Variants in MARCHF1 observed in about 807,000 individuals in gnomAD.
The protein encoded by MARCHF1 is membrane associated ring-CH-type finger 1.
MARCHF1 carries 40 observed loss-of-function variants against 54.2 expected under a neutral mutation model. The observed-to-expected ratio is 0.74, with a 90% CI of 0.57 to 0.96. The LOEUF (loss-of-function observed/expected upper bound fraction) is 0.96, where lower values mean the gene tolerates loss of function less well. Among genes scored for constraint, MARCHF1 ranks in the 40% least tolerant of loss-of-function variants. MARCHF1 has a pLI of 0.00. For synonymous variants in MARCHF1, 236 were observed against 236.3 expected (o/e 1.00, Z 0.01); for missense variants, 586 against 656.5 (o/e 0.89, Z 1.17).
At chr4:164,270,352 C>T (rs532867855) in intron 1 of MARCHF1, among the ~76,000 whole-genome samples, 10 of 152,322 alleles carry the variant, frequency 6.6e-5, no homozygotes, top group African/African-American at 2.4e-4. Context: ...AAATTACAGA[C>T]TTCACTCCCA....
chr4:164,241,795 C>T (rs963510601), intron 1 of MARCHF1, among the ~76,000 whole-genome samples: 4 of 152,140 alleles, frequency 2.6e-5, no homozygotes, highest in Admixed American at 2.0e-4. Flanking sequence ...CGAAGCAGGG[C>T]GAGGCATTGC....
At chr4:164,015,707 A>G (rs1444407696) in intron 2 of MARCHF1, among the ~76,000 whole-genome samples, 2 of 152,174 alleles carry the variant, frequency 1.3e-5, no homozygotes, top group African/African-American at 4.8e-5. Context: ...AGTATATGAA[A>G]AAAAAAATGC....
rs1738234485 is a variant in MARCHF1, at chr4:163,528,747, A to G, written c.*1T>C. The G allele has an allele frequency of 6.2e-7, 1 of 1,606,078 alleles. No homozygotes were observed. The highest frequency in any genetic ancestry group is 2.2e-5 in the East Asian group (1 of 44,812). On this transcript the variant is annotated 3_prime_UTR_variant, in exon 10 of 10. Transcript: ENST00000514618. ...GGTGAAGAAACTCCCAACAGGTTCC[A>G]TCAGACTGATACAACTTCAGGGGGG... is the stretch of plus-strand genomic sequence containing the variant.
chr4:164,239,783 GTA>G (rs1352639677), intron 1 of MARCHF1, among the ~76,000 whole-genome samples: 1 of 152,042 alleles, frequency 6.6e-6, no homozygotes, highest in African/African-American at 2.4e-5. Flanking sequence ...AAGAGTGTAT[GTA>G]TATGTCATAT....
At chr4:163,825,894 T>C (rs1748836242) in intron 4 of MARCHF1, among the ~76,000 whole-genome samples, 1 of 152,010 alleles carries the variant, frequency 6.6e-6, no homozygotes, top group South Asian at 2.1e-4. Context: ...GAGCTAATTA[T>C]TCATGGCTAT....
chr4:163,896,784 C>T (rs1750816506), intron 3 of MARCHF1, among the ~76,000 whole-genome samples: 1 of 152,170 alleles, frequency 6.6e-6, no homozygotes, highest in South Asian at 2.1e-4. Context: ...TGATAAGCCT[C>T]TTTTCCCCAA....
At chr4:163,675,501 C>T (rs551069730) in intron 5 of MARCHF1, among the ~76,000 whole-genome samples, 5 of 152,090 alleles carry the variant, frequency 3.3e-5, no homozygotes, top group South Asian at 4.2e-4. Context: ...TGCTAGGACC[C>T]GATTAAACTA....
intron 1 of MARCHF1, among the ~76,000 whole-genome samples, chr4:164,223,031 CATTT>C (rs1171085414): frequency 6.6e-6 from 1 of 151,932 alleles, no homozygotes. Flanking sequence ...GGGGAACTAC[CATTT>C]ATAAAACCAT....
chr4:164,348,839 C>A (rs1463732220), intron 1 of MARCHF1, among the ~76,000 whole-genome samples: 3 of 152,246 alleles, frequency 2.0e-5, no homozygotes, highest in East Asian at 3.9e-4. Flanking sequence ...TGAAATACTA[C>A]TATATTGCTT....
intron 5 of MARCHF1, among the ~76,000 whole-genome samples, chr4:163,634,742 C>G (rs201194126): frequency 1.3e-5 from 2 of 148,830 alleles, no homozygotes. Flanking sequence ...CTGCACCAAG[C>G]GGACCTAATA....
chr4:163,725,270 G>C (rs893932120), intron 4 of MARCHF1, among the ~76,000 whole-genome samples: 1 of 152,108 alleles, frequency 6.6e-6, no homozygotes, highest in African/African-American at 2.4e-5. Context: ...GGTAATAAAA[G>C]TAGTGGCATA....
At chr4:164,139,169 A>T (rs1225488266) in intron 1 of MARCHF1, among the ~76,000 whole-genome samples, 1 of 152,210 alleles carries the variant, frequency 6.6e-6, no homozygotes, top group Non-Finnish European at 1.5e-5. Context: ...AGAAAATCTC[A>T]GAGAACCTGA....
chr4:164,365,209 A>G (rs1424629314), intron 1 of MARCHF1, among the ~76,000 whole-genome samples: 1 of 152,012 alleles, frequency 6.6e-6, no homozygotes, highest in African/African-American at 2.4e-5. Flanking sequence ...AAATACTTAC[A>G]TGAGAAATAT....
chr4:163,937,283 T>A (rs1038194143), intron 3 of MARCHF1, among the ~76,000 whole-genome samples: 3 of 152,116 alleles, frequency 2.0e-5, no homozygotes, highest in African/African-American at 7.2e-5. Context: ...TACACATATA[T>A]ACTCACATAC....
At chr4:163,642,027 C>A (rs1401063962) in intron 5 of MARCHF1, among the ~76,000 whole-genome samples, 1 of 152,090 alleles carries the variant, frequency 6.6e-6, no homozygotes, top group Non-Finnish European at 1.5e-5. Flanking sequence ...AGTGCTAATG[C>A]TGCCTCATTC....
At chr4:163,900,674 T>G (rs1348392006) in intron 3 of MARCHF1, among the ~76,000 whole-genome samples, 2 of 152,190 alleles carry the variant, frequency 1.3e-5, no homozygotes, top group African/African-American at 4.8e-5. Flanking sequence ...CAAAATTGTT[T>G]CCGCTGGCAT....
intron 1 of MARCHF1, among the ~76,000 whole-genome samples, chr4:164,343,501 CTT>C (rs1561010278): frequency 6.6e-6 from 1 of 152,024 alleles, no homozygotes; most frequent in Non-Finnish European, 1.5e-5. Flanking sequence ...CTGTAAGGAA[CTT>C]AAACAAATTA....
intron 4 of MARCHF1, among the ~76,000 whole-genome samples, chr4:163,726,666 A>T (rs538810947): frequency 6.6e-6 from 1 of 152,232 alleles, no homozygotes; most frequent in African/African-American, 2.4e-5. Context: ...TGTTTAGTTC[A>T]GTAAGAAACT....
Position 163,904,755 on chromosome 4 carries a change from G to GAA in MARCHF1, c.-38-50587_-38-50586insTT, listed in dbSNP as rs1751019808. Among the ~76,000 whole-genome samples, 4 of 11,532 alleles carry GAA rather than the reference G, an allele frequency of 3.5e-4. No homozygotes were observed. In the Non-Finnish European group the frequency reaches 4.3e-3, roughly 12 times the overall value. 7.6% of individuals were successfully genotyped at this position (11,532 alleles called of 152,430 possible). A position where few individuals can be genotyped will look rare whatever the true frequency, so the allele number is the denominator to read the frequency against. ...TTTATTCTTTCAGTATGGTTTCCAG[G>GAA]AGAGAGAAAGAGACAGAGACAGAGA... is the stretch of plus-strand genomic sequence containing the variant. On this transcript the variant is annotated intron_variant, in intron 3 of 9. Coordinates refer to ENST00000514618, the MANE Select transcript of MARCHF1 (RefSeq NM_001394959.1).
Sources: gnomAD v4.1 joint callset for allele counts (sites outside exome capture counted in the v4.1 genomes callset) on GRCh38, gnomAD v4.1.1 for gene constraint, MANE v1.5 for transcripts, NCBI Gene and HGNC (gene_info 2026-07-23, HGNC 2026-07-21) for gene names.